Variants in SORBS3 observed in about 807,000 individuals in gnomAD.
SORBS3 encodes the protein sorbin and SH3 domain containing 3, also known as vinexin.
A neutral mutation model predicts 98.0 loss-of-function variants in SORBS3; 69 were observed. The observed-to-expected ratio is 0.70, with a 90% CI of 0.58 to 0.86. The LOEUF (loss-of-function observed/expected upper bound fraction) is 0.86. Among genes scored for constraint, SORBS3 ranks in the 40% least tolerant of loss-of-function variants. SORBS3 has a pLI of 0.00. For synonymous variants in SORBS3, 394 were observed against 355.4 expected, an observed-to-expected ratio of 1.11 and a Z score of -1.22; for missense variants, 954 against 908.5, an observed-to-expected ratio of 1.05 and a Z score of -0.64.
intron 17 of SORBS3, among the ~76,000 whole-genome samples, chr8:22,569,886 A>G (rs190635185): frequency 6.6e-6 from 1 of 152,264 alleles, no homozygotes; most frequent in East Asian, 1.9e-4. Flanking sequence ...TTCTAGAGTT[A>G]CATATATATT....
At chr8:22,550,141 G>T (rs1453922230), upstream of SORBS3, 1 of 442,142 alleles carries the variant, frequency 2.3e-6, no homozygotes, top group Non-Finnish European at 3.0e-6. Flanking sequence ...GGATAAGAAG[G>T]TTTCTAAGCT....
In SORBS3 at chr8:22,564,363, G is replaced by C. The variant is rs1241001379; in HGVS notation, c.756G>C (p.Gly252=). 6.2e-7 allele frequency: 1 copy of C among 1,614,066 alleles called. No individual in the cohort carries two copies. The highest frequency in any genetic ancestry group is 8.5e-7 in the Non-Finnish European group (1 of 1,179,952). ...AGTTTCTGCAGGAACTAGAGACTGG[G>C]CAGAGGGTGAGTGCTGGCTGGCTCT... ...WNQFLQELET[G]QRPKKPLVDD... Residue 252 remains glycine, a synonymous_variant, in exon 9 of 21, where the codon GGG becomes GGC. Coordinates refer to ENST00000240123, the MANE Select transcript of SORBS3 (RefSeq NM_005775.5).
Position 22,566,879 on chromosome 8 carries a change from T to TCCTCCC in SORBS3, c.1190+19_1190+24dup. ...GGCGCAGTCCCCCAAGTAAGCGCCC[T>TCCTCCC]CCTCCCCCTCCCCTTCCACCCAAGG... On this transcript the variant is annotated intron_variant, in intron 15 of 20. Coordinates refer to ENST00000240123, the MANE Select transcript of SORBS3 (RefSeq NM_005775.5). The TCCTCCC allele has an allele frequency of 6.2e-7, 1 of 1,605,376 alleles. No individual in the cohort carries two copies.
chr8:22,567,897 G>A (rs970524338), intron 16 of SORBS3, among the ~76,000 whole-genome samples: 8 of 149,786 alleles, frequency 5.3e-5, no homozygotes, highest in Non-Finnish European at 1.0e-4. Context: ...GTCCAGGCTG[G>A]AGTGCAGTGG....
In SORBS3 at chr8:22,571,217, C is replaced by T. The variant is rs1840574837; in HGVS notation, c.1739C>T (p.Thr580Ile). Residue 580 changes from threonine (T) to isoleucine (I), a missense_variant, in exon 18 of 21, where the codon ACC becomes ATC. By Grantham distance (89) the Thr-to-Ile change is moderately conservative. Coordinates refer to ENST00000240123, the MANE Select transcript of SORBS3 (RefSeq NM_005775.5). ...SFPTQEPRPQ[T>I]QNLGTPGPAL... ...CCCACCCAGGAGCCTAGACCCCAGA[C>T]CCAGGTGAGGTAGCCTGCCTCCACC... 1 of 1,534,338 alleles carries T rather than the reference C, an allele frequency of 6.5e-7. No homozygotes were observed. The highest frequency in any genetic ancestry group is 8.8e-7 in the Non-Finnish European group (1 of 1,142,464).
chr8:22,551,606 G>A (rs993324636), upstream of SORBS3: 10 of 400,420 alleles, frequency 2.5e-5, no homozygotes, highest in African/African-American at 2.2e-4. The surrounding 1 kb of genome is among the most constrained non-coding windows in gnomAD (Gnocchi z 5.8). Context: ...TGGGAAACCA[G>A]AGAGGGCTCC....
intron 3 of SORBS3, 28 bp downstream of exon 3, chr8:22,555,008 G>T: frequency 2.5e-6 from 4 of 1,583,274 alleles, no homozygotes; most frequent in South Asian, 1.1e-5. Context: ...CCTCATGCTG[G>T]AGATGGAGGG....
intron 1 of SORBS3, among the ~76,000 whole-genome samples, chr8:22,546,691 C>T (rs1840019264): frequency 6.6e-6 from 1 of 152,204 alleles, no homozygotes; most frequent in Non-Finnish European, 1.5e-5. Context: ...AATGACTGTG[C>T]ATGTGATCCT....
chr8:22,572,281 A>C, intron 19 of SORBS3, 59 bp from the exon 20 acceptor site: 1 of 1,425,022 alleles, frequency 7.0e-7, no homozygotes, highest in Non-Finnish European at 9.9e-7. Flanking sequence ...AGGAAGCGGC[A>C]ACACTTGGGT....
chr8:22,564,374 G>C lies in SORBS3; in HGVS notation c.762+5G>C. ...GAACTAGAGACTGGGCAGAGGGTGA[G>C]TGCTGGCTGGCTCTCGGGGTGTGCA... On this transcript the variant is annotated splice_donor_5th_base_variant and intron_variant, in intron 9 of 20. Transcript: ENST00000240123. 1 of 1,614,056 alleles carries C rather than the reference G, an allele frequency of 6.2e-7. No homozygotes were observed. Among genetic ancestry groups the C allele is most frequent in the East Asian group, 2.2e-5 (1 of 44,892 alleles).
chr8:22,558,765 C>G (rs1211177979), intron 5 of SORBS3, among the ~76,000 whole-genome samples: 1 of 152,242 alleles, frequency 6.6e-6, no homozygotes, highest in Non-Finnish European at 1.5e-5. Flanking sequence ...GTGCCCCATG[C>G]AGGGAGGCTG....
chr8:22,570,887 G>A, intron 17 of SORBS3, 23 bp from the exon 18 acceptor site: 1 of 1,569,078 alleles, frequency 6.4e-7, no homozygotes, highest in East Asian at 2.3e-5. Context: ...AGGCCCCACA[G>A]ACACTGACTT....
At chr8:22,558,921 T>A (rs995390733) in intron 5 of SORBS3, among the ~76,000 whole-genome samples, 2 of 152,240 alleles carry the variant, frequency 1.3e-5, no homozygotes. Context: ...AAGCATGTTC[T>A]GGACGGGCAA....
At chr8:22,565,965 C>G (rs1441923179) in intron 12 of SORBS3, 93 bp downstream of exon 12, 1 of 877,218 alleles carries the variant, frequency 1.1e-6, no homozygotes, top group Non-Finnish European at 1.5e-6. Context: ...GGGGCGATCG[C>G]GGGGCCCAGC....
chr8:22,558,956 G>C (rs1249167785), intron 5 of SORBS3, among the ~76,000 whole-genome samples: 1 of 152,250 alleles, frequency 6.6e-6, no homozygotes, highest in Non-Finnish European at 1.5e-5. Flanking sequence ...GGAGCGAGGA[G>C]CATGTGGTGG....
intron 1 of SORBS3, among the ~76,000 whole-genome samples, chr8:22,552,515 T>A (rs1174462615): frequency 6.6e-6 from 1 of 152,012 alleles, no homozygotes; most frequent in South Asian, 2.1e-4. Flanking sequence ...TGGAGGTTCC[T>A]GTGGTGGGGG....
chr8:22,546,963 G>A (rs1322419852), upstream of SORBS3, among the ~76,000 whole-genome samples: 1 of 152,182 alleles, frequency 6.6e-6, no homozygotes, highest in Non-Finnish European at 1.5e-5. Flanking sequence ...TGGCAGTAGA[G>A]GTAGAAAAGC....
chr8:22,558,894 C>T (rs1341012027), intron 5 of SORBS3, among the ~76,000 whole-genome samples: 1 of 152,134 alleles, frequency 6.6e-6, no homozygotes, highest in African/African-American at 2.4e-5. Context: ...AAGGGAGCTC[C>T]GAAGACCCAG....
chr8:22,567,970 C>G (rs1408610637), intron 16 of SORBS3, among the ~76,000 whole-genome samples: 1 of 151,690 alleles, frequency 6.6e-6, no homozygotes, highest in African/African-American at 2.4e-5. Context: ...GCCCCAGCTT[C>G]CTAAGTAGCT....
Sources: gnomAD v4.1 joint callset for allele counts (sites outside exome capture counted in the v4.1 genomes callset) on GRCh38, gnomAD v4.1.1 for gene constraint, Gnocchi (gnomAD v3.1) non-coding constraint, MANE v1.5 for transcripts, NCBI Gene and HGNC (gene_info 2026-07-23, HGNC 2026-07-21) for gene names.